The following TXNRD1 variants were observed in gnomAD, a reference collection of about 807,000 sequenced individuals.
TXNRD1 encodes thioredoxin reductase 1, cytoplasmic.
A neutral mutation model predicts 80.3 loss-of-function variants in TXNRD1; 57 were observed. That is an observed-to-expected ratio of 0.71 (90% CI 0.57 to 0.89). TXNRD1 has a LOEUF of 0.89. Among genes scored for constraint, TXNRD1 ranks in the 40% least tolerant of loss-of-function variants. The pLI, the probability that TXNRD1 is intolerant of heterozygous loss-of-function variation, is 0.00. For missense variants in TXNRD1, 730 were observed against 803.0 expected, an observed-to-expected ratio of 0.91 and a Z score of 1.10; for synonymous variants, 291 against 285.2, an observed-to-expected ratio of 1.02 and a Z score of -0.20.
In TXNRD1 at chr12:104,252,927, C is replaced by T. The variant is rs147715768; in HGVS notation, c.243+1249C>T. ...CTGTGTTAGCCAAGATGGCCTCGAT[C>T]TCCTGACCTTGTGATCCACCTGCCT... is the stretch of plus-strand genomic sequence containing the variant. On this transcript the variant is annotated intron_variant, in intron 2 of 16. Coordinates refer to ENST00000525566, the MANE Select transcript of TXNRD1 (RefSeq NM_001093771.3). 3.3e-3 allele frequency among the ~76,000 whole-genome samples: 506 copies of T among 151,652 alleles called. 5 individuals are homozygous for T. Among genetic ancestry groups the T allele is most frequent in the African/African-American group, 0.012 (498 of 41,328 alleles).
intron 15 of TXNRD1, among the ~76,000 whole-genome samples, 160 bp downstream of exon 15, chr12:104,334,492 C>T (rs1185612928): frequency 6.6e-6 from 1 of 152,072 alleles, no homozygotes; most frequent in East Asian, 1.9e-4. Flanking sequence ...AAGTGATTCT[C>T]CTGCCTCAGC....
At chr12:104,329,657 A>T (rs963738457) in intron 13 of TXNRD1, among the ~76,000 whole-genome samples, 2 of 152,252 alleles carry the variant, frequency 1.3e-5, no homozygotes, top group South Asian at 2.1e-4. Flanking sequence ...CCAAAAAAAA[A>T]AATAAATAAA....
Position 104,313,302 on chromosome 12 carries a change from C to A in TXNRD1, c.595C>A (p.Leu199Ile). The A allele has an allele frequency of 6.3e-7, 1 of 1,589,972 alleles. No individual in the cohort carries two copies. Among genetic ancestry groups the A allele is most frequent in the African/African-American group, 1.3e-5 (1 of 74,614 alleles). Residue 199 changes from leucine (L) to isoleucine (I), a missense_variant, in exon 6 of 17, where the codon CTT becomes ATT. Transcript: ENST00000525566. ...MVLDFVTPTP[L>I]GTRWGLGGTC... ...CCTGGACTTTGTCACTCCCACCCCTCTTGGAACTAGATGGGGTAAGCTTTT... is the reference window on the plus strand; with the variant it reads ...CCTGGACTTTGTCACTCCCACCCCTATTGGAACTAGATGGGGTAAGCTTTT...
Position 104,327,545 on chromosome 12 carries a change from A to G in TXNRD1, c.1416A>G (p.Glu472=). The G allele has an allele frequency of 6.2e-7, 1 of 1,613,678 alleles. No homozygotes were observed. Among genetic ancestry groups the G allele is most frequent in the Non-Finnish European group, 8.5e-7 (1 of 1,179,744 alleles). Residue 472 remains glutamate, a synonymous_variant, in exon 13 of 17, where the codon GAA becomes GAG. Transcript: ENST00000525566. ...KTGKIPVTDE[E]QTNVPYIYAI... ...GAAAAATACCTGTCACAGATGAAGAACAGACCAATGTGCCTTACATCTATG... is the reference window on the plus strand; with the variant it reads ...GAAAAATACCTGTCACAGATGAAGAGCAGACCAATGTGCCTTACATCTATG...
chr12:104,301,105 C>T (rs191574317), intron 4 of TXNRD1, among the ~76,000 whole-genome samples: 1 of 151,516 alleles, frequency 6.6e-6, no homozygotes, highest in East Asian at 1.9e-4. Flanking sequence ...TTGCTCTGAG[C>T]AAGTTGTGTG....
At chr12:104,249,664 G>A (rs539479539) in intron 1 of TXNRD1, among the ~76,000 whole-genome samples, 19 of 152,066 alleles carry the variant, frequency 1.2e-4, no homozygotes, top group African/African-American at 4.3e-4. Context: ...TGCCAGGCGC[G>A]GTGGTTCACG....
chr12:104,314,169 T>C (rs1593819116), intron 6 of TXNRD1, among the ~76,000 whole-genome samples: 1 of 152,280 alleles, frequency 6.6e-6, no homozygotes, highest in Non-Finnish European at 1.5e-5. Context: ...GGTGTCACTA[T>C]TGAGGGCTTT....
chr12:104,302,453 A>G (rs938556470), intron 4 of TXNRD1, among the ~76,000 whole-genome samples: 2 of 130,060 alleles, frequency 1.5e-5, no homozygotes, highest in Admixed American at 7.6e-5. Flanking sequence ...GTTTGTGTGC[A>G]TGTTCTCTTT....
chr12:104,332,386 T>G (rs1231538919), intron 14 of TXNRD1, among the ~76,000 whole-genome samples: 1 of 152,222 alleles, frequency 6.6e-6, no homozygotes, highest in East Asian at 1.9e-4. Context: ...CTTTATTACA[T>G]GCACTGGTAG....
intron 4 of TXNRD1, among the ~76,000 whole-genome samples, chr12:104,300,371 A>G (rs1029525852): frequency 6.6e-6 from 1 of 152,216 alleles, no homozygotes; most frequent in African/African-American, 2.4e-5. Flanking sequence ...ACTCAGTCTC[A>G]TGGTTGCCTG....
chr12:104,236,086 T>C (rs1460630620), intron 1 of TXNRD1, among the ~76,000 whole-genome samples: 1 of 152,186 alleles, frequency 6.6e-6, no homozygotes, highest in African/African-American at 2.4e-5. Flanking sequence ...TCTAATCTTG[T>C]GGCTAGTTTC....
rs113837808 is a variant in TXNRD1, at chr12:104,257,532, G to A, written c.244-487G>A. 3.1e-3 allele frequency among the ~76,000 whole-genome samples: 460 copies of A among 150,776 alleles called. 2 individuals carry two copies. The highest frequency in any genetic ancestry group is 0.011 in the African/African-American group (450 of 41,010). ...AGTGATTCTCCTGCCTCAGCCTCCC[G>A]AGTAGCTGAGATTACAGGTGCCCAC... On this transcript the variant is annotated intron_variant, in intron 2 of 16. Transcript: ENST00000525566.
chr12:104,243,231 T>C (rs1232658738), intron 1 of TXNRD1, among the ~76,000 whole-genome samples: 1 of 152,230 alleles, frequency 6.6e-6, no homozygotes, highest in East Asian at 1.9e-4. Flanking sequence ...ATTTCAACAC[T>C]AGAAATTCAT....
At chr12:104,269,729 A>C (rs1240948228) in intron 3 of TXNRD1, among the ~76,000 whole-genome samples, 1 of 151,980 alleles carries the variant, frequency 6.6e-6, no homozygotes, top group Admixed American at 6.6e-5. Context: ...CACCATGCCC[A>C]GCTAATTTTT....
Position 104,315,914 on chromosome 12 carries a change from T to C in TXNRD1, c.730+18T>C, listed in dbSNP as rs1222268932. On this transcript the variant is annotated intron_variant, in intron 7 of 16. Coordinates refer to ENST00000525566, the MANE Select transcript of TXNRD1 (RefSeq NM_001093771.3). ...GGAGACAGGTATGAGAGGGAAAAGC[T>C]ACTCTTCTGTTTGTGCTTTTGGGGG... 7 of 1,602,964 alleles carry C rather than the reference T, an allele frequency of 4.4e-6. No homozygotes were observed. In the East Asian group the frequency reaches 1.6e-4, roughly 36 times the overall value.
chr12:104,252,904 G>C (rs2033160059), intron 2 of TXNRD1, among the ~76,000 whole-genome samples: 2 of 150,986 alleles, frequency 1.3e-5, no homozygotes, highest in Admixed American at 6.6e-5. Flanking sequence ...GGTTTTCACT[G>C]TGTTAGCCAA....
intron 1 of TXNRD1, among the ~76,000 whole-genome samples, chr12:104,249,884 C>G (rs1416568850): frequency 7.3e-6 from 1 of 136,412 alleles, no homozygotes; most frequent in Non-Finnish European, 1.5e-5. Context: ...GCAGTGAGGC[C>G]GAGATCGTGC....
intron 11 of TXNRD1, 42 bp from the exon 12 acceptor site, chr12:104,326,305 G>A: frequency 2.2e-6 from 3 of 1,351,622 alleles, no homozygotes; most frequent in East Asian, 2.5e-5. Context: ...TAAATGCAAA[G>A]CCTTTTTGTT....
intron 13 of TXNRD1, among the ~76,000 whole-genome samples, chr12:104,329,715 C>G (rs947101315): frequency 1.3e-5 from 2 of 152,158 alleles, no homozygotes; most frequent in African/African-American, 4.8e-5. Context: ...ATACTCTTCT[C>G]TGTCTCAGCC....
Sources: allele counts gnomAD v4.1 joint callset (sites outside exome capture counted in the v4.1 genomes callset), GRCh38; gene constraint gnomAD v4.1.1; transcripts MANE v1.5; gene names NCBI Gene and HGNC (gene_info 2026-07-23, HGNC 2026-07-21).